Variants in PAK5 observed in about 807,000 individuals in gnomAD.
The protein encoded by PAK5 is serine/threonine-protein kinase PAK 5.
In PAK5, 16 loss-of-function variants were observed where a neutral mutation model predicts 65.9. That is an observed-to-expected ratio of 0.24 (90% CI 0.16 to 0.37). PAK5 has a LOEUF of 0.37. Among genes scored for constraint, PAK5 ranks in the 10% least tolerant of loss-of-function variants. The pLI, the probability that PAK5 is intolerant of heterozygous loss-of-function variation, is 1.00. For synonymous variants in PAK5, 371 were observed against 354.9 expected (o/e 1.05, Z -0.51); for missense variants, 785 against 903.9 (o/e 0.87, Z 1.69).
intron 1 of PAK5, among the ~76,000 whole-genome samples, chr20:9,747,201 C>T (rs1185501126): frequency 6.6e-6 from 1 of 152,108 alleles, no homozygotes; most frequent in African/African-American, 2.4e-5. Flanking sequence ...CAATAGCTTA[C>T]CAACTAAAAA....
chr20:9,807,745 C>T (rs1237559864), intron 1 of PAK5, among the ~76,000 whole-genome samples: 1 of 103,050 alleles, frequency 9.7e-6, no homozygotes, highest in Admixed American at 9.5e-5. Flanking sequence ...AGTAACGACT[C>T]CCTTCCAGCA....
rs887160075 is a variant in PAK5 at position 9,838,207 on chromosome 20, A to G, written c.-162+555T>C. Among the ~76,000 whole-genome samples, 29 of 151,184 alleles carry G rather than the reference A, an allele frequency of 1.9e-4. No individual in the cohort carries two copies. The highest frequency in any genetic ancestry group is 1.7e-4 in the African/African-American group (7 of 41,230). On this transcript the variant is annotated intron_variant, in intron 1 of 9. Coordinates refer to ENST00000353224, the MANE Select transcript of PAK5 (RefSeq NM_177990.4). This position sits in a 1 kb window ranked among gnomAD's most constrained non-coding sequence, Gnocchi z 4.5. Reference sequence around the variant, plus strand: ...CGCGCGCGCACACACACACGCGCGCACACACACACACACACAAATAACAAA... The same window carrying G: ...CGCGCGCGCACACACACACGCGCGCGCACACACACACACACAAATAACAAA...
chr20:9,794,228 T>C (rs1639509052), intron 1 of PAK5, among the ~76,000 whole-genome samples: 1 of 151,934 alleles, frequency 6.6e-6, no homozygotes, highest in Admixed American at 6.6e-5. Context: ...CTAATGCATG[T>C]GGGGCTTAAA....
intron 2 of PAK5, among the ~76,000 whole-genome samples, chr20:9,679,256 T>C (rs1475011449): frequency 1.3e-5 from 2 of 152,220 alleles, no homozygotes; most frequent in Non-Finnish European, 2.9e-5. Context: ...AAAATATGTG[T>C]CATTGACTCT....
At position 9,537,641 on chromosome 20, in the gene PAK5, C is replaced by T. The variant is rs2045192114; in HGVS notation, c.*1821G>A. 1 of 217,946 alleles carries T rather than the reference C, an allele frequency of 4.6e-6. No individual in the cohort carries two copies. Among genetic ancestry groups the T allele is most frequent in the Admixed American group, 5.8e-5 (1 of 17,250 alleles). The allele number at this position is 217,946 out of a possible 1,614,324, so 13.5% of individuals were successfully genotyped here. On this transcript the variant is annotated 3_prime_UTR_variant, in exon 10 of 10. Transcript: ENST00000353224. Reference sequence around the variant, plus strand: ...AGATTTTCTTTTTCTTTTCTTTCTACTTCTACATAGTCCTGGTTAAATTAA... The same window carrying T: ...AGATTTTCTTTTTCTTTTCTTTCTATTTCTACATAGTCCTGGTTAAATTAA...
intron 3 of PAK5, among the ~76,000 whole-genome samples, chr20:9,624,843 TACTA>T (rs1280516131): frequency 1.3e-5 from 2 of 152,126 alleles, no homozygotes; most frequent in Non-Finnish European, 2.9e-5. Context: ...TCAAATATGT[TACTA>T]ACTATGAGCC....
At chr20:9,669,693 G>A (rs185638948) in intron 2 of PAK5, among the ~76,000 whole-genome samples, 40 of 152,132 alleles carry the variant, frequency 2.6e-4, no homozygotes, top group Admixed American at 2.4e-3. Context: ...TTTACCCTAC[G>A]AGAAGAAACC....
At chr20:9,631,268 A>G (rs112150622) in intron 3 of PAK5, among the ~76,000 whole-genome samples, 171 of 152,208 alleles carry the variant, frequency 1.1e-3, no homozygotes, top group African/African-American at 3.9e-3. Context: ...CTTCTAACCA[A>G]TAGAATATGG....
chr20:9,716,712 T>C (rs2048151017), intron 1 of PAK5, among the ~76,000 whole-genome samples: 1 of 152,204 alleles, frequency 6.6e-6, no homozygotes, highest in South Asian at 2.1e-4. Flanking sequence ...TCATATTTCT[T>C]TCTCTTAAAA....
At chr20:9,579,159 C>T (rs986709908) in intron 4 of PAK5, among the ~76,000 whole-genome samples, 8 of 152,150 alleles carry the variant, frequency 5.3e-5, no homozygotes. Flanking sequence ...CTGTGCTGCT[C>T]ACCAAACTGT....
At chr20:9,825,111 T>G (rs561033709) in intron 1 of PAK5, among the ~76,000 whole-genome samples, 1 of 152,326 alleles carries the variant, frequency 6.6e-6, no homozygotes, top group Non-Finnish European at 1.5e-5. Flanking sequence ...CAAATGTTCT[T>G]CTGTTTTACA....
At chr20:9,770,381 G>A (rs79680643) in intron 1 of PAK5, among the ~76,000 whole-genome samples, 1 of 151,924 alleles carries the variant, frequency 6.6e-6, no homozygotes, top group East Asian at 1.9e-4. Context: ...TGAGGGAGAA[G>A]ATAAGGTATA....
intron 1 of PAK5, among the ~76,000 whole-genome samples, chr20:9,831,716 C>T (rs1036781814): frequency 2.6e-5 from 4 of 152,180 alleles, no homozygotes; most frequent in African/African-American, 9.6e-5. Flanking sequence ...CCATGTTGCT[C>T]AGCCTGGTGT....
chr20:9,701,370 G>A (rs1464764463), intron 2 of PAK5, among the ~76,000 whole-genome samples: 2 of 152,188 alleles, frequency 1.3e-5, no homozygotes, highest in Non-Finnish European at 2.9e-5. Context: ...TAAGGAATGT[G>A]TGGAGAGGGG....
chr20:9,812,775 A>G (rs1421250282), intron 1 of PAK5, among the ~76,000 whole-genome samples: 1 of 152,166 alleles, frequency 6.6e-6, no homozygotes, highest in East Asian at 1.9e-4. Flanking sequence ...ACATTTAACA[A>G]TAATTTATTG....
At chr20:9,548,268 T>G (rs1052140591) in intron 7 of PAK5, among the ~76,000 whole-genome samples, 1 of 152,176 alleles carries the variant, frequency 6.6e-6, no homozygotes, top group Non-Finnish European at 1.5e-5. Context: ...CTGAGTTTTT[T>G]TGATGATTTT....
chr20:9,617,486 A>G (rs962994807), intron 3 of PAK5, among the ~76,000 whole-genome samples: 4 of 151,004 alleles, frequency 2.6e-5, no homozygotes, highest in Non-Finnish European at 4.4e-5. Flanking sequence ...TAATTGTAAT[A>G]TGATAAAACT....
intron 1 of PAK5, among the ~76,000 whole-genome samples, chr20:9,775,341 C>T (rs1462178404): frequency 8.5e-5 from 13 of 152,160 alleles, no homozygotes; most frequent in East Asian, 1.9e-4. Context: ...GTAAATTCTT[C>T]GCTCAGTTTC....
chr20:9,806,224 A>G (rs975695907), intron 1 of PAK5, among the ~76,000 whole-genome samples: 1 of 152,084 alleles, frequency 6.6e-6, no homozygotes, highest in Non-Finnish European at 1.5e-5. Context: ...CCTGGCCTCA[A>G]GTGACCTGCC....
Sources: allele counts gnomAD v4.1 joint callset (sites outside exome capture counted in the v4.1 genomes callset), GRCh38; gene constraint gnomAD v4.1.1; non-coding constraint Gnocchi (gnomAD v3.1); transcripts MANE v1.5; gene names NCBI Gene and HGNC (gene_info 2026-07-23, HGNC 2026-07-21).